Variants in PCDHGA6 observed in about 807,000 individuals in gnomAD.
PCDHGA6 encodes the protein protocadherin gamma subfamily A, 6, also known as protocadherin gamma-A6.
PCDHGA6 carries 41 observed loss-of-function variants against 60.6 expected under a neutral mutation model. The observed-to-expected ratio is 0.68, with a 90% CI of 0.53 to 0.88. The LOEUF is 0.88. Ranked by LOEUF, PCDHGA6 falls within the 40% of genes least tolerant of loss-of-function variation. The pLI, the probability that PCDHGA6 is intolerant of heterozygous loss-of-function variation, is 0.00. For missense variants in PCDHGA6, 1,312 were observed against 1,203.0 expected, an observed-to-expected ratio of 1.09 and a Z score of -1.34; for synonymous variants, 594 against 524.4, an observed-to-expected ratio of 1.13 and a Z score of -1.81.
chr5:141,402,108 A>T (rs2094226699), intron 1 of PCDHGA6, among the ~76,000 whole-genome samples: 1 of 152,218 alleles, frequency 6.6e-6, no homozygotes, highest in African/African-American at 2.4e-5. Context: ...CAATTACAAA[A>T]ATGTGAAAAT....
rs1210691847 is a variant in PCDHGA6, at chr5:141,432,985, C to T, written c.2424+56478C>T. The stretch of plus-strand genomic sequence containing the variant: ...GAGCGCCGGCGTCGCACTTTGTGGG[C>T]GTGGACGGGGTGCAGGCTTTCCTGC... On this transcript the variant is annotated intron_variant, in intron 1 of 3. Transcript: ENST00000517434. The surrounding 1 kb of genome is among the most constrained non-coding windows in gnomAD (Gnocchi z 6.0). The T allele has an allele frequency of 3.1e-6, 5 of 1,614,176 alleles. No individual in the cohort carries two copies. The highest frequency in any genetic ancestry group is 4.2e-6 in the Non-Finnish European group (5 of 1,180,034).
chr5:141,404,579 A>G (rs1390358900), intron 1 of PCDHGA6: 1 of 1,614,002 alleles, frequency 6.2e-7, no homozygotes, highest in Non-Finnish European at 8.5e-7. Flanking sequence ...CCCACCACTT[A>G]GCAGCAATGT....
chr5:141,430,951 C>A, intron 1 of PCDHGA6: 3 of 1,610,496 alleles, frequency 1.9e-6, no homozygotes, highest in Non-Finnish European at 2.5e-6. Flanking sequence ...AGCGCGGAGT[C>A]CGCATCATCC....
At position 141,491,458 on chromosome 5, in the gene PCDHGA6, G is replaced by T. The variant is rs867069360; in HGVS notation, c.2425-3349G>T. 1.9e-6 allele frequency: 3 copies of T among 1,613,974 alleles called. No homozygotes were observed. The highest frequency in any genetic ancestry group is 1.6e-4 in the Middle Eastern group (1 of 6,084). On this transcript the variant is annotated intron_variant, in intron 1 of 3. Coordinates refer to ENST00000517434, the MANE Select transcript of PCDHGA6 (RefSeq NM_018919.3). This position sits in a 1 kb window ranked among gnomAD's most constrained non-coding sequence, Gnocchi z 6.9. ...CAGGCGCCAGGACTCACCCTCCCCGGACTTCTATAAGCAGTCCAGCCCCAA... is the reference window on the plus strand; with the variant it reads ...CAGGCGCCAGGACTCACCCTCCCCGTACTTCTATAAGCAGTCCAGCCCCAA...
chr5:141,482,288 C>G (rs1413786764), intron 1 of PCDHGA6, among the ~76,000 whole-genome samples: 1 of 152,078 alleles, frequency 6.6e-6, no homozygotes, highest in Non-Finnish European at 1.5e-5. Context: ...GTCTTTTAAT[C>G]TCTTTAAACT....
chr5:141,456,072 T>C (rs1349808406), intron 1 of PCDHGA6, among the ~76,000 whole-genome samples: 2 of 151,950 alleles, frequency 1.3e-5, no homozygotes, highest in Non-Finnish European at 2.9e-5. Flanking sequence ...TAATTTTTTG[T>C]ATTTTCAGTA....
chr5:141,414,429 G>A (rs1372056104), intron 1 of PCDHGA6: 1 of 1,613,860 alleles, frequency 6.2e-7, no homozygotes, highest in Non-Finnish European at 8.5e-7. Flanking sequence ...ACAGGGAACA[G>A]GTATCCTCTT....
chr5:141,476,146 G>C lies in PCDHGA6; in HGVS notation c.2425-18661G>C. 1 of 1,611,402 alleles carries C rather than the reference G, an allele frequency of 6.2e-7. No individual in the cohort carries two copies. On this transcript the variant is annotated intron_variant, in intron 1 of 3. Transcript: ENST00000517434. This position sits in a 1 kb window ranked among gnomAD's most constrained non-coding sequence, Gnocchi z 7.6. ...TCCCAGAGGCCTGGAGGAGCGGACT[G>C]GTAAGCACCGGGAGGGTAGTGGGAG...
chr5:141,500,258 G>A lies in PCDHGA6; in HGVS notation c.2484-5135G>A, dbSNP rs2099798463. On this transcript the variant is annotated intron_variant, in intron 2 of 3. Coordinates refer to ENST00000517434, the MANE Select transcript of PCDHGA6 (RefSeq NM_018919.3). ...TAGCCTTGCTCTGTCACCCAGGCTG[G>A]ACTGCAGTGGCGCAATCTCGGCTCA... Among the ~76,000 whole-genome samples the A allele has an allele frequency of 2.0e-5, 3 of 150,738 alleles. No homozygotes were observed. In the South Asian group the frequency reaches 6.3e-4, roughly 32 times the overall value.
intron 1 of PCDHGA6, among the ~76,000 whole-genome samples, chr5:141,466,863 C>A (rs1409042461): frequency 1.3e-5 from 2 of 152,070 alleles, no homozygotes; most frequent in African/African-American, 4.8e-5. Context: ...ATTTTGAAAT[C>A]CACACATTTT....
In PCDHGA6 at chr5:141,375,993, C is replaced by G; in HGVS notation, c.1910C>G (p.Ala637Gly). The G allele has an allele frequency of 6.2e-7, 1 of 1,613,468 alleles. No homozygotes were observed. Among genetic ancestry groups the G allele is most frequent in the Non-Finnish European group, 8.5e-7 (1 of 1,179,898 alleles). ...RTARALLDRDALKQSLVVAVQ... is the reference protein window; with the variant it reads ...RTARALLDRDGLKQSLVVAVQ... ...GCGCGCGCCCTGCTGGACAGAGACG[C>G]GCTCAAGCAGAGCCTAGTGGTGGCC... is the stretch of plus-strand genomic sequence containing the variant. The change falls in exon 1 of 4, where the codon GCG (alanine) becomes GGG (glycine). Residue 637 changes from alanine (A) to glycine (G), a missense_variant. Ala to Gly is a moderately conservative substitution (Grantham distance 60). Transcript: ENST00000517434.
chr5:141,376,675 CG>C (rs1228548126), intron 1 of PCDHGA6, 168 bp downstream of exon 1: 139 of 345,036 alleles, frequency 4.0e-4, no homozygotes, highest in South Asian at 5.8e-4. Context: ...GTGAGGGTAT[CG>C]TTTTTTTTTT....
chr5:141,407,505 T>TTTTTTTTTTTTTTTTTGAGACGG (rs1460306566), intron 1 of PCDHGA6, among the ~76,000 whole-genome samples: 2 of 152,146 alleles, frequency 1.3e-5, no homozygotes, highest in African/African-American at 4.8e-5. Flanking sequence ...CTGTTTTTCT[T>TTTTTTTTTTTTTTTTTGAGACGG]AGGCTATGTA....
At chr5:141,463,808 T>C (rs1018369312) in intron 1 of PCDHGA6, among the ~76,000 whole-genome samples, 2 of 152,196 alleles carry the variant, frequency 1.3e-5, no homozygotes, top group African/African-American at 4.8e-5. Flanking sequence ...CTAAAAGCTT[T>C]TATCACACAT....
At position 141,432,778 on chromosome 5, in the gene PCDHGA6, G is replaced by T; in HGVS notation, c.2424+56271G>T. The T allele has an allele frequency of 3.7e-6, 6 of 1,614,166 alleles. No individual in the cohort carries two copies. Among genetic ancestry groups the T allele is most frequent in the Non-Finnish European group, 5.1e-6 (6 of 1,180,002 alleles). ...CCGACAGCATCCCCCAAGTCCTGGCGGACCTCGGCAGCCTCGAGTCTCCAG... is the reference window on the plus strand; with the variant it reads ...CCGACAGCATCCCCCAAGTCCTGGCTGACCTCGGCAGCCTCGAGTCTCCAG... On this transcript the variant is annotated intron_variant, in intron 1 of 3. Transcript: ENST00000517434. The surrounding 1 kb of genome is among the most constrained non-coding windows in gnomAD (Gnocchi z 6.0).
chr5:141,423,730 A>G, intron 1 of PCDHGA6: 1 of 831,022 alleles, frequency 1.2e-6, no homozygotes. Flanking sequence ...ATGTTTTTTG[A>G]GCCTGTTATG....
chr5:141,427,956 C>T, intron 1 of PCDHGA6: 1 of 1,587,304 alleles, frequency 6.3e-7, no homozygotes, highest in African/African-American at 1.3e-5. Context: ...TGACAATGTG[C>T]CGCGGGTGCT....
chr5:141,438,065 C>T (rs1385128405), intron 1 of PCDHGA6, among the ~76,000 whole-genome samples: 1 of 151,996 alleles, frequency 6.6e-6, no homozygotes, highest in Non-Finnish European at 1.5e-5. Flanking sequence ...TTTAAGAAAC[C>T]ATACTTAATG....
chr5:141,403,210 C>A (rs369033480), intron 1 of PCDHGA6: 2 of 1,613,828 alleles, frequency 1.2e-6, no homozygotes, highest in African/African-American at 2.7e-5. Context: ...CCTTGGTCAC[C>A]GCGGGTAGGA....
Sources: allele counts gnomAD v4.1 joint callset (sites outside exome capture counted in the v4.1 genomes callset), GRCh38; gene constraint gnomAD v4.1.1; non-coding constraint Gnocchi (gnomAD v3.1); transcripts MANE v1.5; gene names NCBI Gene and HGNC (gene_info 2026-07-23, HGNC 2026-07-21).